Variants in ITPKB observed in about 807,000 individuals in gnomAD.
ITPKB encodes the protein inositol-trisphosphate 3-kinase B, also known as IP3 3-kinase B.
In ITPKB, 13 loss-of-function variants were observed where a neutral mutation model predicts 69.4. That is an observed-to-expected ratio of 0.19 (90% CI 0.12 to 0.30). ITPKB has a LOEUF of 0.30. Among genes scored for constraint, ITPKB ranks in the 10% least tolerant of loss-of-function variants. ITPKB has a pLI of 1.00. For missense variants in ITPKB, 1,240 were observed against 1,250.5 expected (o/e 0.99, Z 0.13); for synonymous variants, 584 against 513.7 (o/e 1.14, Z -1.85).
rs1367453131 is a variant in ITPKB, at chr1:226,672,232, C to T, written c.1933-23461G>A. Among the ~76,000 whole-genome samples the T allele has an allele frequency of 5.3e-5, 8 of 152,262 alleles. No homozygotes were observed. In the East Asian group the frequency reaches 1.3e-3, roughly 26 times the overall value. On this transcript the variant is annotated intron_variant, in intron 2 of 7. Coordinates refer to ENST00000429204, the MANE Select transcript of ITPKB (RefSeq NM_002221.4). ...ACCGAAATGTGACAGCGTGTGACAG[C>T]GATCACGTCTCACTCCCCGCCTGAG...
chr1:226,698,384 C>T (rs1356393391), intron 2 of ITPKB, among the ~76,000 whole-genome samples: 1 of 152,224 alleles, frequency 6.6e-6, no homozygotes, highest in Non-Finnish European at 1.5e-5. Flanking sequence ...AGAAACCTCT[C>T]TTAAATCAGA....
At chr1:226,664,568 G>A (rs1669462993) in intron 2 of ITPKB, among the ~76,000 whole-genome samples, 1 of 152,288 alleles carries the variant, frequency 6.6e-6, no homozygotes, top group Admixed American at 6.5e-5. Context: ...AGGTCTCTGG[G>A]GAGAGCTCAC....
intron 2 of ITPKB, among the ~76,000 whole-genome samples, chr1:226,658,626 G>GT (rs1164193586): frequency 1.3e-5 from 2 of 152,164 alleles, no homozygotes; most frequent in African/African-American, 2.4e-5. Context: ...AAAGACCCGA[G>GT]TAAGGCTTTA....
chr1:226,703,434 G>A (rs1178193085), intron 2 of ITPKB, among the ~76,000 whole-genome samples: 3 of 152,222 alleles, frequency 2.0e-5, no homozygotes, highest in East Asian at 1.9e-4. Flanking sequence ...CGGGCAGGGC[G>A]GTGAAGCAGG....
At chr1:226,651,280 A>G (rs949975051) in intron 2 of ITPKB, among the ~76,000 whole-genome samples, 1 of 152,174 alleles carries the variant, frequency 6.6e-6, no homozygotes, top group Non-Finnish European at 1.5e-5. Context: ...GCCTCGGGAG[A>G]GCGTGGGGCG....
At chr1:226,670,683 C>T (rs1343655549) in intron 2 of ITPKB, among the ~76,000 whole-genome samples, 2 of 152,210 alleles carry the variant, frequency 1.3e-5, no homozygotes, top group Non-Finnish European at 2.9e-5. Flanking sequence ...TACTAATACG[C>T]ATTTCTGCAC....
chr1:226,639,710 A>G, intron 5 of ITPKB, 52 bp from the exon 6 acceptor site: 2 of 1,247,314 alleles, frequency 1.6e-6, no homozygotes, highest in East Asian at 4.6e-5. Context: ...ACCCTCGGGC[A>G]GAAACTGTTC....
intron 2 of ITPKB, among the ~76,000 whole-genome samples, chr1:226,733,996 G>A (rs561391286): frequency 1.3e-5 from 2 of 152,348 alleles, no homozygotes; most frequent in East Asian, 3.9e-4. Flanking sequence ...TGCTTCAGGA[G>A]TTCAAAAGCA....
intron 2 of ITPKB, among the ~76,000 whole-genome samples, chr1:226,712,093 A>T (rs1656975190): frequency 6.6e-6 from 1 of 152,162 alleles, no homozygotes; most frequent in East Asian, 1.9e-4. Context: ...GAAACTTAGC[A>T]AGAGTGAGAT....
In ITPKB at chr1:226,736,885, C is replaced by T. The variant is rs144805708; in HGVS notation, c.574G>A (p.Val192Ile). The T allele has an allele frequency of 2.5e-6, 4 of 1,610,576 alleles. No homozygotes were observed. In the African/African-American group the frequency reaches 4.0e-5, roughly 16 times the overall value. Residue 192 changes from valine (V) to isoleucine (I), a missense_variant, in exon 2 of 8, where the codon GTT becomes ATT. Coordinates refer to ENST00000429204, the MANE Select transcript of ITPKB (RefSeq NM_002221.4). The part of the protein sequence containing the change: ...SSSQPPGRVL[V>I]QGARSEERRT... ...CGTTCCTCGCTCCGGGCGCCCTGAA[C>T]CAGGACCCTTCCAGGGGGCTGACTG...
At chr1:226,673,497 C>T (rs994108604) in intron 2 of ITPKB, among the ~76,000 whole-genome samples, 6 of 152,160 alleles carry the variant, frequency 3.9e-5, no homozygotes, top group African/African-American at 7.2e-5. Flanking sequence ...AAGATAATCA[C>T]GGCAACTAGG....
Position 226,712,665 on chromosome 1 carries a change from C to A in ITPKB, c.1932+22862G>T, listed in dbSNP as rs560344949. On this transcript the variant is annotated intron_variant, in intron 2 of 7. Coordinates refer to ENST00000429204, the MANE Select transcript of ITPKB (RefSeq NM_002221.4). ...GACGGCCTGTGACCTTGTTCAGGCC[C>A]GTCTGTCTGTTCTGGCCCTGAGCAT... is the stretch of plus-strand genomic sequence containing the variant. 4.6e-5 allele frequency among the ~76,000 whole-genome samples: 7 copies of A among 152,164 alleles called. No individual in the cohort carries two copies. In the East Asian group the frequency reaches 7.7e-4, roughly 17 times the overall value.
intron 2 of ITPKB, among the ~76,000 whole-genome samples, chr1:226,694,410 C>A (rs1656428971): frequency 6.6e-6 from 1 of 152,204 alleles, no homozygotes; most frequent in African/African-American, 2.4e-5. Flanking sequence ...TCCTAGTCAA[C>A]CTTTCTATCT....
chr1:226,655,424 G>A (rs1434111877), intron 2 of ITPKB, among the ~76,000 whole-genome samples: 2 of 152,216 alleles, frequency 1.3e-5, no homozygotes, highest in Non-Finnish European at 2.9e-5. Flanking sequence ...GCAGGCCTCT[G>A]TGGCCTGCTC....
In ITPKB at chr1:226,738,968, C is replaced by G. The variant is rs1648233280; in HGVS notation, c.-206+73G>C. 1 of 152,220 alleles carries G rather than the reference C, an allele frequency of 6.6e-6. No individual in the cohort carries two copies. The highest frequency in any genetic ancestry group is 1.5e-5 in the Non-Finnish European group (1 of 68,052). The allele number at this position is 152,220 out of a possible 1,614,324, so 9.4% of individuals were successfully genotyped here. A position where few individuals can be genotyped will look rare whatever the true frequency, so the allele number is the denominator to read the frequency against. On this transcript the variant is annotated intron_variant, in intron 1 of 7. Transcript: ENST00000429204. This position sits in a 1 kb window ranked among gnomAD's most constrained non-coding sequence, Gnocchi z 4.2. ...TTTCGGAACCAGGAACGCCGAGATT[C>G]GCTCCAGAGCAGAAAGTGAGGGAAA... is the stretch of plus-strand genomic sequence containing the variant.
intron 2 of ITPKB, among the ~76,000 whole-genome samples, chr1:226,661,292 G>A (rs926619064): frequency 6.6e-6 from 1 of 152,226 alleles, no homozygotes; most frequent in Admixed American, 6.5e-5. Context: ...GAAATAGCTC[G>A]TGTGCTTACC....
intron 2 of ITPKB, among the ~76,000 whole-genome samples, chr1:226,664,140 T>C (rs909837279): frequency 1.3e-5 from 2 of 152,242 alleles, no homozygotes; most frequent in Non-Finnish European, 2.9e-5. Context: ...TTTCATCTCC[T>C]TCCTACTGAG....
At chr1:226,649,548 G>C (rs964922204) in intron 2 of ITPKB, among the ~76,000 whole-genome samples, 1 of 151,434 alleles carries the variant, frequency 6.6e-6, no homozygotes, top group Non-Finnish European at 1.5e-5. Context: ...GTGCATGCGT[G>C]TGTGATATGC....
rs1315675594 is a variant in ITPKB at position 226,738,019 on chromosome 1, C to A, written c.-205-356G>T. Among the ~76,000 whole-genome samples the A allele has an allele frequency of 6.6e-6, 1 of 152,204 alleles. No homozygotes were observed. Among genetic ancestry groups the A allele is most frequent in the South Asian group, 2.1e-4 (1 of 4,834 alleles). On this transcript the variant is annotated intron_variant, in intron 1 of 7. Transcript: ENST00000429204. The surrounding 1 kb of genome is among the most constrained non-coding windows in gnomAD (Gnocchi z 4.2). ...TGCGGGGCGCGGCTGACTCAGCTCTCCCGGGCTGAGGACACCCCAGCCACC... is the reference window on the plus strand; with the variant it reads ...TGCGGGGCGCGGCTGACTCAGCTCTACCGGGCTGAGGACACCCCAGCCACC...
Sources: allele counts gnomAD v4.1 joint callset (sites outside exome capture counted in the v4.1 genomes callset), GRCh38; gene constraint gnomAD v4.1.1; non-coding constraint Gnocchi (gnomAD v3.1); transcripts MANE v1.5; gene names NCBI Gene and HGNC (gene_info 2026-07-23, HGNC 2026-07-21).